RBFOX1: variants seen among roughly 807,000 people sequenced by gnomAD.
RBFOX1 encodes RNA binding protein fox-1 homolog 1.
Under a neutral mutation model 57.7 loss-of-function variants are expected in RBFOX1, and 8 were observed. That is an observed-to-expected ratio of 0.14 (90% CI 0.08 to 0.25). The LOEUF is 0.25. RBFOX1 is among the 10% of genes least tolerant of loss of function. The pLI, the probability that RBFOX1 is intolerant of heterozygous loss-of-function variation, is 1.00. For missense variants in RBFOX1, 611 were observed against 548.5 expected, an observed-to-expected ratio of 1.11 and a Z score of -1.14; for synonymous variants, 326 against 222.4, an observed-to-expected ratio of 1.47 and a Z score of -4.15.
chr16:5,535,080 T>G (rs2044643409), intron 2 of RBFOX1, among the ~76,000 whole-genome samples: 1 of 152,154 alleles, frequency 6.6e-6, no homozygotes, highest in South Asian at 2.1e-4. Context: ...ATAAAAAATG[T>G]TATAGAGGTG....
intron 4 of RBFOX1, among the ~76,000 whole-genome samples, chr16:7,134,493 A>G (rs886616537): frequency 1.3e-5 from 2 of 152,156 alleles, no homozygotes; most frequent in African/African-American, 2.4e-5. Context: ...ATTTGATCGT[A>G]TTGCTGTTTC....
rs902184363 is a variant in RBFOX1, at chr16:5,308,214, G to A, written c.219+68109G>A. ...AAATTAGCCAGGCATGGTGGCAGGC[G>A]CCTGTAATCCCAGCTACTCAGGAGA... On this transcript the variant is annotated intron_variant, in intron 1 of 2. Transcript: ENST00000585867. 2.0e-4 allele frequency among the ~76,000 whole-genome samples: 31 copies of A among 152,020 alleles called. 1 individual carries two copies. The highest frequency in any genetic ancestry group is 5.8e-4 in the East Asian group (3 of 5,166).
intron 4 of RBFOX1, among the ~76,000 whole-genome samples, chr16:7,125,375 C>A (rs909208543): frequency 1.3e-5 from 2 of 152,150 alleles, no homozygotes; most frequent in Non-Finnish European, 2.9e-5. Context: ...CCAGGCAAAT[C>A]AATAGATGGT....
chr16:7,009,785 C>G (rs891718259), intron 3 of RBFOX1, among the ~76,000 whole-genome samples: 1 of 152,166 alleles, frequency 6.6e-6, no homozygotes, highest in African/African-American at 2.4e-5. Flanking sequence ...GCTCTGTAAC[C>G]TGCTTGCCTT....
chr16:5,270,513 T>C (rs1403408095), intron 1 of RBFOX1: 2 of 650,224 alleles, frequency 3.1e-6, no homozygotes, highest in South Asian at 1.5e-5. Context: ...TGTTCCATGG[T>C]TGAAAAATGT....
chr16:7,403,944 C>G (rs1002812497), intron 4 of RBFOX1, among the ~76,000 whole-genome samples: 9 of 150,014 alleles, frequency 6.0e-5, no homozygotes, highest in African/African-American at 2.2e-4. Context: ...TTAATTCATT[C>G]ATTTGTTAAT....
chr16:6,051,384 G>A (rs1234859258), intron 1 of RBFOX1, among the ~76,000 whole-genome samples: 2 of 152,014 alleles, frequency 1.3e-5, no homozygotes, highest in Non-Finnish European at 1.5e-5. Flanking sequence ...CTGGAGTACA[G>A]CAGCATGATA....
intron 2 of RBFOX1, among the ~76,000 whole-genome samples, chr16:6,446,906 C>T (rs1408418994): frequency 1.3e-5 from 2 of 152,092 alleles, no homozygotes; most frequent in Non-Finnish European, 2.9e-5. Flanking sequence ...CAAACCATTG[C>T]CAAACTGGTA....
rs540415796 is a variant in RBFOX1 at position 6,791,641 on chromosome 16, C to T, written c.-16+136991C>T. 2.0e-5 allele frequency among the ~76,000 whole-genome samples: 3 copies of T among 152,234 alleles called. No individual in the cohort carries two copies. The South Asian group carries it at 6.2e-4, about 32-fold the overall frequency. The stretch of plus-strand genomic sequence containing the variant: ...AGGTGTAGTGGTGCGTGCTTGTAGT[C>T]CCAGCTACTCGGGAGGCTGAGGCAG... On this transcript the variant is annotated intron_variant, in intron 3 of 15. Coordinates refer to ENST00000550418, the MANE Select transcript of RBFOX1 (RefSeq NM_018723.4).
intron 4 of RBFOX1, among the ~76,000 whole-genome samples, chr16:7,134,314 A>G (rs974666574): frequency 1.3e-5 from 2 of 152,202 alleles, no homozygotes; most frequent in Admixed American, 6.5e-5. Context: ...GGAAATTCAG[A>G]AAGTAGACTA....
intron 2 of RBFOX1, among the ~76,000 whole-genome samples, chr16:6,548,255 C>G (rs973050251): frequency 1.3e-5 from 2 of 152,090 alleles, no homozygotes; most frequent in Non-Finnish European, 2.9e-5. Context: ...TAGATGTCAG[C>G]AACTGTCAAA....
At chr16:6,072,825 C>G (rs535272099) in intron 1 of RBFOX1, among the ~76,000 whole-genome samples, 115 of 152,198 alleles carry the variant, frequency 7.6e-4, no homozygotes, top group African/African-American at 2.7e-3. Context: ...CCCTCTACCC[C>G]ACTCCACATG....
At chr16:7,341,246 C>T (rs2096885106) in intron 4 of RBFOX1, among the ~76,000 whole-genome samples, 1 of 152,200 alleles carries the variant, frequency 6.6e-6, no homozygotes, top group Admixed American at 6.5e-5. Context: ...ACTCAATACT[C>T]TGAAGGTCTT....
At chr16:6,331,347 T>C (rs1278723877) in intron 2 of RBFOX1, among the ~76,000 whole-genome samples, 3 of 151,966 alleles carry the variant, frequency 2.0e-5, no homozygotes. Flanking sequence ...CTGGGGAGGC[T>C]GAGGCAGGAG....
chr16:7,551,158 G>C (rs1376183257), intron 5 of RBFOX1, among the ~76,000 whole-genome samples: 2 of 151,028 alleles, frequency 1.3e-5, no homozygotes, highest in Admixed American at 1.3e-4. Context: ...TAGAGTAACA[G>C]GGACTGGTGT....
chr16:7,155,828 C>G (rs11644594), intron 4 of RBFOX1, among the ~76,000 whole-genome samples: 2 of 148,918 alleles, frequency 1.3e-5, no homozygotes, highest in Non-Finnish European at 3.0e-5. Context: ...TAAATGTGCT[C>G]TATATAATAC....
At chr16:5,450,827 C>G (rs1323738633) in intron 1 of RBFOX1, among the ~76,000 whole-genome samples, 1 of 152,142 alleles carries the variant, frequency 6.6e-6, no homozygotes, top group Non-Finnish European at 1.5e-5. Flanking sequence ...GAAGTGTGCA[C>G]CAGATGCACA....
intron 1 of RBFOX1, among the ~76,000 whole-genome samples, chr16:6,282,002 A>G (rs1052929110): frequency 2.0e-5 from 3 of 152,184 alleles, no homozygotes; most frequent in Admixed American, 1.3e-4. Flanking sequence ...TGGGCAAAAT[A>G]AAAATGTACC....
At chr16:5,955,366 T>A (rs371869742) in intron 4 of RBFOX1, among the ~76,000 whole-genome samples, 4 of 39,336 alleles carry the variant, frequency 1.0e-4, no homozygotes, top group South Asian at 7.3e-4. Flanking sequence ...AAAAATAAAA[T>A]AAAATAAAAT....
Sources: allele counts gnomAD v4.1 joint callset (sites outside exome capture counted in the v4.1 genomes callset), GRCh38; gene constraint gnomAD v4.1.1; transcripts MANE v1.5; gene names NCBI Gene and HGNC (gene_info 2026-07-23, HGNC 2026-07-21).